PECR: variants seen among roughly 807,000 people sequenced by gnomAD.
PECR encodes 2,4-dienoyl-CoA reductase-related protein.
In PECR, 30 loss-of-function variants were observed where a neutral mutation model predicts 35.3. The observed-to-expected ratio is 0.85, with a 90% confidence interval of 0.64 to 1.15. The LOEUF (loss-of-function observed/expected upper bound fraction) is 1.15. Ranked by LOEUF, PECR falls within the 50% of genes most tolerant of loss-of-function variation. The probability of loss-of-function intolerance (pLI) is 0.00; values close to 1 mark genes in which losing one functional copy is unlikely to be tolerated. For missense variants in PECR, 392 were observed against 370.8 expected, an observed-to-expected ratio of 1.06 and a Z score of -0.47; for synonymous variants, 148 against 138.9, an observed-to-expected ratio of 1.07 and a Z score of -0.46.
chr2:216,079,069 G>C (rs1695769545), intron 1 of PECR, among the ~76,000 whole-genome samples: 1 of 151,906 alleles, frequency 6.6e-6, no homozygotes, highest in Non-Finnish European at 1.5e-5. Flanking sequence ...ATTCCTGAAA[G>C]AGGATAGAGC....
rs1336653750 is a variant in PECR, at chr2:216,070,121, A to G, written c.125-3603T>C. Among the ~76,000 whole-genome samples, 6 of 152,320 alleles carry G rather than the reference A, an allele frequency of 3.9e-5. No individual in the cohort carries two copies. The East Asian group carries it at 1.2e-3, about 29-fold the overall frequency. On this transcript the variant is annotated intron_variant, in intron 1 of 7. Transcript: ENST00000265322. Reference sequence around the variant, plus strand: ...GCAAGCACTAATCGAATGACTCGACACACTTCACATGAAAATAAAACAGTT... The same window carrying G: ...GCAAGCACTAATCGAATGACTCGACGCACTTCACATGAAAATAAAACAGTT...
chr2:216,076,335 A>G lies in PECR; in HGVS notation c.124+5283T>C, dbSNP rs114083057. 4.5e-3 allele frequency among the ~76,000 whole-genome samples: 685 copies of G among 152,266 alleles called. 8 individuals are homozygous for G. Among genetic ancestry groups the G allele is most frequent in the African/African-American group, 0.015 (643 of 41,576 alleles). On this transcript the variant is annotated intron_variant, in intron 1 of 7. Coordinates refer to ENST00000265322, the MANE Select transcript of PECR (RefSeq NM_018441.6). Reference sequence around the variant, plus strand: ...AGCCTCCCAAGTAGCTGGGACTACAAGCATGTGCCATGCCACCACATGTGC... The same window carrying G: ...AGCCTCCCAAGTAGCTGGGACTACAGGCATGTGCCATGCCACCACATGTGC...
chr2:216,077,609 T>C (rs1447026264), intron 1 of PECR, among the ~76,000 whole-genome samples: 2 of 151,690 alleles, frequency 1.3e-5, no homozygotes, highest in Non-Finnish European at 2.9e-5. Context: ...AGTTCGAGAC[T>C]AGCCTGGGCA....
intron 1 of PECR, 93 bp from the exon 2 acceptor site, chr2:216,066,611 T>A: frequency 9.2e-7 from 1 of 1,085,936 alleles, no homozygotes. Context: ...AGGGAACAAA[T>A]AAATATGCCT....
At chr2:216,065,547 A>G in intron 2 of PECR, 70 bp from the exon 3 acceptor site, 1 of 908,728 alleles carries the variant, frequency 1.1e-6, no homozygotes, top group Non-Finnish European at 1.8e-6. Context: ...CGCCTGATTG[A>G]TTGCTCTAGA....
At chr2:216,048,408 G>T (rs1695038050) in intron 6 of PECR, among the ~76,000 whole-genome samples, 1 of 146,998 alleles carries the variant, frequency 6.8e-6, no homozygotes, top group African/African-American at 2.5e-5. Context: ...AAAAAAAATT[G>T]CATTTCAAGA....
intron 4 of PECR, among the ~76,000 whole-genome samples, chr2:216,053,286 C>G (rs1183985026): frequency 6.6e-6 from 1 of 151,954 alleles, no homozygotes; most frequent in Non-Finnish European, 1.5e-5. Flanking sequence ...CTCTGTCACC[C>G]AGGCTGGAGT....
chr2:216,080,795 C>T (rs188558156), intron 1 of PECR, among the ~76,000 whole-genome samples: 2 of 152,244 alleles, frequency 1.3e-5, no homozygotes, highest in African/African-American at 2.4e-5. Context: ...TTAGTCCATA[C>T]CATTAGTCTA....
chr2:216,072,237 GCT>G (rs1252892757), intron 1 of PECR, among the ~76,000 whole-genome samples: 1 of 152,098 alleles, frequency 6.6e-6, no homozygotes, highest in African/African-American at 2.4e-5. Flanking sequence ...CCCTGTAATT[GCT>G]CTATTTGTTA....
chr2:216,030,944 TCTCTCTCTCTCTCA>T (rs1430931052), intron 7 of PECR, among the ~76,000 whole-genome samples: 14 of 57,438 alleles, frequency 2.4e-4, no homozygotes, highest in African/African-American at 6.6e-4. Flanking sequence ...TCTCTCTCTC[TCTCTCTCTCTCTCA>T]CACACACACA....
rs1371742409 is a variant in PECR at position 216,031,681 on chromosome 2, A to AAG, written c.*440+7508_*440+7509dup. Among the ~76,000 whole-genome samples the AAG allele has an allele frequency of 6.5e-3, 743 of 114,934 alleles. 2 individuals are homozygous for AAG. Among genetic ancestry groups the AAG allele is most frequent in the Non-Finnish European group, 9.3e-3 (514 of 55,412 alleles). The allele number at this position is 114,934 out of a possible 152,430, so 75.4% of individuals were successfully genotyped here. A position where few individuals can be genotyped will look rare whatever the true frequency, so the allele number is the denominator to read the frequency against. On this transcript the variant is annotated intron_variant and NMD_transcript_variant, in intron 7 of 7. Coordinates refer to the PECR transcript ENST00000442122. ...AAAGAAAGAAAGAAAGAAAGAAAGA[A>AAG]AGAAAGAAAGAGAAAGAAAGAAAGA...
At chr2:216,035,145 T>A (rs1694772828), downstream of PECR, among the ~76,000 whole-genome samples, 1 of 152,176 alleles carries the variant, frequency 6.6e-6, no homozygotes, top group East Asian at 1.9e-4. Flanking sequence ...GTCCTCTAAG[T>A]TGTTCCCCTG....
At chr2:216,067,107 G>C (rs1053589861) in intron 1 of PECR, among the ~76,000 whole-genome samples, 10 of 152,048 alleles carry the variant, frequency 6.6e-5, no homozygotes, top group Non-Finnish European at 1.3e-4. Context: ...CAGCAAGGGA[G>C]GGGAACACAT....
chr2:216,032,158 T>C (rs1316334925), intron 7 of PECR, among the ~76,000 whole-genome samples: 1 of 152,222 alleles, frequency 6.6e-6, no homozygotes, highest in East Asian at 1.9e-4. Flanking sequence ...ATCCTTGCTA[T>C]TTAAGTCCAT....
intron 7 of PECR, among the ~76,000 whole-genome samples, chr2:216,029,314 T>C (rs941492300): frequency 7.2e-5 from 11 of 151,818 alleles, no homozygotes; most frequent in Non-Finnish European, 1.5e-4. Context: ...CCTGTCTCTA[T>C]TAAAAATACA....
intron 3 of PECR, among the ~76,000 whole-genome samples, chr2:216,061,541 A>G (rs1257009991): frequency 6.6e-6 from 1 of 152,096 alleles, no homozygotes; most frequent in African/African-American, 2.4e-5. Context: ...ACAGACTTAC[A>G]GGTGTAATGC....
intron 1 of PECR, among the ~76,000 whole-genome samples, chr2:216,073,833 C>G (rs1559219228): frequency 6.6e-6 from 1 of 152,050 alleles, no homozygotes; most frequent in South Asian, 2.1e-4. Flanking sequence ...TAGGCTATAC[C>G]ATCTAGGTTT....
intron 7 of PECR, among the ~76,000 whole-genome samples, chr2:216,031,429 A>AAAAC (rs566298603): frequency 1.3e-5 from 1 of 74,564 alleles, no homozygotes; most frequent in Non-Finnish European, 2.5e-5. Flanking sequence ...AGAAAGAAAG[A>AAAAC]AAAGAAAGAA....
At chr2:216,031,473 A>AAGAAAG (rs1234592327) in intron 7 of PECR, among the ~76,000 whole-genome samples, 2 of 110,568 alleles carry the variant, frequency 1.8e-5, no homozygotes, top group African/African-American at 6.6e-5. Flanking sequence ...GAAAGAAAGA[A>AAGAAAG]AGAGAAAGAA....
Sources: gnomAD v4.1 joint callset for allele counts (sites outside exome capture counted in the v4.1 genomes callset) on GRCh38, gnomAD v4.1.1 for gene constraint, MANE v1.5 for transcripts, NCBI Gene and HGNC (gene_info 2026-07-23, HGNC 2026-07-21) for gene names.